ATRNL1: variants seen among roughly 807,000 people sequenced by gnomAD.
ATRNL1 encodes the protein attractin-like protein 1.
In ATRNL1, 95 loss-of-function variants were observed where a neutral mutation model predicts 182.7. The observed-to-expected ratio is 0.52, with a 90% confidence interval of 0.44 to 0.62. The LOEUF (loss-of-function observed/expected upper bound fraction) is 0.62. Among genes scored for constraint, ATRNL1 ranks in the 20% least tolerant of loss-of-function variants. The pLI, the probability that ATRNL1 is intolerant of heterozygous loss-of-function variation, is 0.00. For synonymous variants in ATRNL1, 576 were observed against 568.3 expected (o/e 1.01, Z -0.19); for missense variants, 1,471 against 1,679.5 (o/e 0.88, Z 2.17).
At chr10:115,663,401 T>C (rs986453030) in intron 26 of ATRNL1, among the ~76,000 whole-genome samples, 1 of 152,084 alleles carries the variant, frequency 6.6e-6, no homozygotes, top group Admixed American at 6.6e-5. Flanking sequence ...TATAATAGGC[T>C]ATATTTGTTT....
chr10:115,732,285 A>G (rs142272207), intron 27 of ATRNL1, among the ~76,000 whole-genome samples: 294 of 152,314 alleles, frequency 1.9e-3, no homozygotes, highest in South Asian at 7.0e-3. Context: ...TCAATTTACC[A>G]TAACCATGAG....
chr10:115,507,244 A>G (rs886449203), intron 24 of ATRNL1, among the ~76,000 whole-genome samples: 1 of 152,020 alleles, frequency 6.6e-6, no homozygotes, highest in African/African-American at 2.4e-5. Context: ...TTTGAATGAA[A>G]TGGGAAGCAG....
At chr10:115,392,607 A>G (rs1844083730) in intron 19 of ATRNL1, among the ~76,000 whole-genome samples, 1 of 152,126 alleles carries the variant, frequency 6.6e-6, no homozygotes, top group African/African-American at 2.4e-5. Context: ...GGAGAAAATT[A>G]TAGTCTTATG....
At chr10:115,403,537 C>T (rs1329394118) in intron 20 of ATRNL1, among the ~76,000 whole-genome samples, 7 of 152,134 alleles carry the variant, frequency 4.6e-5, no homozygotes, top group Admixed American at 1.3e-4. Flanking sequence ...CTCACTGCAA[C>T]CTCCACTCTC....
chr10:115,647,687 A>T (rs1448703284), intron 26 of ATRNL1, among the ~76,000 whole-genome samples: 5 of 152,112 alleles, frequency 3.3e-5, no homozygotes, highest in Non-Finnish European at 5.9e-5. Context: ...TTTTTTGTAG[A>T]TTCTTCATAT....
chr10:115,154,264 T>C (rs142257859), intron 5 of ATRNL1, among the ~76,000 whole-genome samples: 6,128 of 143,336 alleles, frequency 0.043, 178 homozygotes, highest in South Asian at 0.088. Flanking sequence ...CTGGATATCG[T>C]TGTTAACCTT....
chr10:115,847,656 C>T (rs1210107570), intron 27 of ATRNL1, among the ~76,000 whole-genome samples: 6 of 152,106 alleles, frequency 3.9e-5, no homozygotes, highest in African/African-American at 1.4e-4. Context: ...AACTTTGTGG[C>T]TCACAAGCTG....
intron 18 of ATRNL1, among the ~76,000 whole-genome samples, chr10:115,333,452 A>C (rs1354577593): frequency 6.6e-6 from 1 of 151,924 alleles, no homozygotes; most frequent in Non-Finnish European, 1.5e-5. Context: ...TACCTAAAGA[A>C]GATACATATT....
intron 27 of ATRNL1, among the ~76,000 whole-genome samples, chr10:115,778,745 T>A (rs1298888418): frequency 1.3e-5 from 2 of 152,172 alleles, no homozygotes; most frequent in Non-Finnish European, 2.9e-5. Context: ...AATGAAAAGT[T>A]GAGAGCTTTT....
At chr10:115,213,939 A>G (rs903208577) in intron 8 of ATRNL1, among the ~76,000 whole-genome samples, 36 of 152,014 alleles carry the variant, frequency 2.4e-4, no homozygotes, top group African/African-American at 8.0e-4. Flanking sequence ...ACACAATGAA[A>G]TTTAGCTCTT....
At chr10:115,500,069 G>A (rs1350357925) in intron 24 of ATRNL1, among the ~76,000 whole-genome samples, 2 of 152,070 alleles carry the variant, frequency 1.3e-5, no homozygotes, top group African/African-American at 2.4e-5. Context: ...GAAAATAGGG[G>A]GAGGAAGGGA....
At chr10:115,561,423 A>C (rs1853699508) in intron 26 of ATRNL1, among the ~76,000 whole-genome samples, 2 of 152,188 alleles carry the variant, frequency 1.3e-5, no homozygotes, top group Admixed American at 1.3e-4. Flanking sequence ...GATTGAAAAT[A>C]TTCTGAAAAA....
At chr10:115,142,067 A>G (rs966997987) in intron 5 of ATRNL1, among the ~76,000 whole-genome samples, 3 of 152,182 alleles carry the variant, frequency 2.0e-5, no homozygotes, top group African/African-American at 7.2e-5. Context: ...TCCTTGTGGA[A>G]CTTACATTCA....
chr10:115,622,358 A>G (rs1410304), intron 26 of ATRNL1, among the ~76,000 whole-genome samples: 72,963 of 152,078 alleles, frequency 0.48, 18,970 homozygotes, highest in East Asian at 0.84. Flanking sequence ...GACAGTGTTA[A>G]TCAAGTGTTC....
At chr10:115,120,629 T>C (rs2143623153) in intron 2 of ATRNL1, among the ~76,000 whole-genome samples, 1 of 152,238 alleles carries the variant, frequency 6.6e-6, no homozygotes, top group African/African-American at 2.4e-5. Flanking sequence ...GTTCAAAGGG[T>C]ATTTTTAAAA....
At chr10:115,369,861 A>G (rs1857296559) in intron 19 of ATRNL1, among the ~76,000 whole-genome samples, 1 of 152,066 alleles carries the variant, frequency 6.6e-6, no homozygotes, top group African/African-American at 2.4e-5. Context: ...TTTATTGACC[A>G]TTTTTTAATC....
chr10:115,567,855 A>G (rs1328607459), intron 26 of ATRNL1, among the ~76,000 whole-genome samples: 4 of 152,098 alleles, frequency 2.6e-5, no homozygotes, highest in African/African-American at 9.7e-5. Flanking sequence ...AATGCATAAT[A>G]AGTAACAGTC....
chr10:115,127,498 A>G (rs958478270), intron 3 of ATRNL1, 95 bp from the exon 4 acceptor site: 10 of 1,031,058 alleles, frequency 9.7e-6, no homozygotes, highest in Middle Eastern at 3.0e-4. Context: ...TACAAGCATT[A>G]CTGATCCTGG....
intron 25 of ATRNL1, among the ~76,000 whole-genome samples, chr10:115,547,107 T>A (rs113045607): frequency 0.027 from 4,065 of 151,594 alleles, 214 homozygotes; most frequent in African/African-American, 0.094. Flanking sequence ...TACAAAAAAA[T>A]TAGCTGAGGT....
Sources: allele counts gnomAD v4.1 joint callset (sites outside exome capture counted in the v4.1 genomes callset), GRCh38; gene constraint gnomAD v4.1.1; transcripts MANE v1.5; gene names NCBI Gene and HGNC (gene_info 2026-07-23, HGNC 2026-07-21).